The following ZNF407 variants were observed in gnomAD, a reference collection of about 807,000 sequenced individuals.
ZNF407 encodes the protein zinc finger protein 407.
ZNF407 carries 17 observed loss-of-function variants against 131.2 expected under a neutral mutation model. That is an observed-to-expected ratio of 0.13 (90% CI 0.09 to 0.19). The LOEUF (loss-of-function observed/expected upper bound fraction) is 0.19, where lower values mean the gene tolerates loss of function less well. Ranked by LOEUF, ZNF407 falls within the 10% of genes least tolerant of loss-of-function variation. The pLI is 1.00. For missense variants in ZNF407, 2,681 were observed against 2,830.6 expected (o/e 0.95, Z 1.20); for synonymous variants, 1,156 against 1,062.0 (o/e 1.09, Z -1.72).
chr18:74,964,411 A>G (rs1223556368), intron 8 of ZNF407, among the ~76,000 whole-genome samples: 3 of 152,180 alleles, frequency 2.0e-5, no homozygotes, highest in African/African-American at 7.2e-5. Flanking sequence ...CACTAAGCAA[A>G]TGAATGAAGA....
intron 8 of ZNF407, among the ~76,000 whole-genome samples, chr18:75,056,960 C>T (rs992194336): frequency 6.6e-6 from 1 of 152,056 alleles, no homozygotes; most frequent in Non-Finnish European, 1.5e-5. Context: ...TCTTAACATT[C>T]TTGTTAAAAT....
At chr18:74,777,723 C>T (rs543792065) in intron 3 of ZNF407, among the ~76,000 whole-genome samples, 1 of 120,750 alleles carries the variant, frequency 8.3e-6, no homozygotes, top group Non-Finnish European at 1.8e-5. Flanking sequence ...GACTGTTGAT[C>T]GATCGCACTC....
chr18:74,686,718 T>A (rs1257174174), intron 3 of ZNF407, among the ~76,000 whole-genome samples: 1 of 152,258 alleles, frequency 6.6e-6, no homozygotes, highest in Non-Finnish European at 1.5e-5. Context: ...GTAGTCATTA[T>A]TTTGTTATAG....
intron 1 of ZNF407, among the ~76,000 whole-genome samples, chr18:74,630,504 A>G (rs1050147106): frequency 6.6e-6 from 1 of 152,138 alleles, no homozygotes; most frequent in South Asian, 2.1e-4. Context: ...TTTCTTTTAC[A>G]TAGGACTTGG....
chr18:74,610,493 A>G (rs1468538654), intron 1 of ZNF407, among the ~76,000 whole-genome samples: 1 of 151,652 alleles, frequency 6.6e-6, no homozygotes, highest in Non-Finnish European at 1.5e-5. Flanking sequence ...GTTTTCCTGT[A>G]CTTTCCCAAT....
At chr18:74,730,025 G>A (rs995288922) in intron 3 of ZNF407, among the ~76,000 whole-genome samples, 1 of 152,176 alleles carries the variant, frequency 6.6e-6, no homozygotes, top group Non-Finnish European at 1.5e-5. Context: ...CACGTTTGTT[G>A]TGTAATGACT....
At chr18:74,845,286 G>A (rs930572695) in intron 4 of ZNF407, among the ~76,000 whole-genome samples, 5 of 152,162 alleles carry the variant, frequency 3.3e-5, no homozygotes, top group African/African-American at 4.8e-5. Flanking sequence ...ATCAACCAGC[G>A]GTGTTTGGTG....
chr18:74,639,147 G>A (rs1466536680), intron 2 of ZNF407, among the ~76,000 whole-genome samples: 1 of 152,150 alleles, frequency 6.6e-6, no homozygotes, highest in Admixed American at 6.5e-5. Context: ...AAGGAGCCAT[G>A]GACAGTAAAT....
intron 3 of ZNF407, among the ~76,000 whole-genome samples, chr18:74,772,093 C>T (rs1029661903): frequency 6.6e-6 from 1 of 152,154 alleles, no homozygotes; most frequent in African/African-American, 2.4e-5. Flanking sequence ...TCTACTTTTG[C>T]ATTTTCAGCT....
At chr18:74,958,314 T>G (rs554283784) in intron 8 of ZNF407, among the ~76,000 whole-genome samples, 1 of 152,230 alleles carries the variant, frequency 6.6e-6, no homozygotes, top group East Asian at 1.9e-4. Context: ...AATTAGAAGG[T>G]TGTTTAAGAT....
Position 74,816,248 on chromosome 18 carries a change from CT to C in ZNF407, c.4877+34748del, listed in dbSNP as rs1329815458. Among the ~76,000 whole-genome samples, 43 of 152,244 alleles carry C rather than the reference CT, an allele frequency of 2.8e-4. 1 individual carries two copies. The highest frequency in any genetic ancestry group is 9.6e-4 in the African/African-American group (40 of 41,568). ...TGAGGTGAAAAATTAGATATTTCACCTTCTGATTCAACCCCTCTGGTTCATT... is the reference window on the plus strand; with the variant it reads ...TGAGGTGAAAAATTAGATATTTCACCTCTGATTCAACCCCTCTGGTTCATT... On this transcript the variant is annotated intron_variant, in intron 4 of 8. Transcript: ENST00000299687.
intron 4 of ZNF407, among the ~76,000 whole-genome samples, chr18:74,863,479 T>C (rs1044720192): frequency 2.0e-5 from 3 of 152,032 alleles, no homozygotes; most frequent in Non-Finnish European, 4.4e-5. Context: ...TTCTTAGCTC[T>C]TTTGTTTTTG....
At chr18:74,845,226 A>T (rs1243650508) in intron 4 of ZNF407, among the ~76,000 whole-genome samples, 1 of 152,238 alleles carries the variant, frequency 6.6e-6, no homozygotes, top group Non-Finnish European at 1.5e-5. Flanking sequence ...TATGTTGGTG[A>T]TGCTAAAGTT....
At chr18:74,944,142 C>T (rs941687791) in intron 8 of ZNF407, among the ~76,000 whole-genome samples, 1 of 152,202 alleles carries the variant, frequency 6.6e-6, no homozygotes, top group Non-Finnish European at 1.5e-5. Flanking sequence ...TTGATATTTA[C>T]ATCCCACCAA....
chr18:74,622,585 C>G (rs1983562691), intron 1 of ZNF407, among the ~76,000 whole-genome samples: 1 of 152,200 alleles, frequency 6.6e-6, no homozygotes, highest in African/African-American at 2.4e-5. Flanking sequence ...TGCCTTGTCA[C>G]ACGTACCCCT....
intron 4 of ZNF407, among the ~76,000 whole-genome samples, chr18:74,846,298 A>G (rs1212400342): frequency 6.6e-6 from 1 of 152,156 alleles, no homozygotes; most frequent in Non-Finnish European, 1.5e-5. Flanking sequence ...AAAGCATTGT[A>G]TTAATAAACC....
chr18:74,884,691 A>G (rs564412902), intron 6 of ZNF407, among the ~76,000 whole-genome samples: 99 of 152,330 alleles, frequency 6.5e-4, no homozygotes, highest in Admixed American at 1.2e-3. Flanking sequence ...TATATATGAC[A>G]TTATTCCTTA....
chr18:74,826,827 C>G (rs1250795226), intron 4 of ZNF407, among the ~76,000 whole-genome samples: 1 of 152,184 alleles, frequency 6.6e-6, no homozygotes, highest in Non-Finnish European at 1.5e-5. Flanking sequence ...AGAGCAATTC[C>G]CCGTCTCTGT....
intron 8 of ZNF407, among the ~76,000 whole-genome samples, chr18:74,968,172 C>T (rs552886713): frequency 5.3e-4 from 81 of 152,206 alleles, no homozygotes; most frequent in African/African-American, 1.8e-3. Flanking sequence ...GTATAGTTTC[C>T]GTAGTGATTG....
Sources: allele counts gnomAD v4.1 joint callset (sites outside exome capture counted in the v4.1 genomes callset), GRCh38; gene constraint gnomAD v4.1.1; transcripts MANE v1.5; gene names NCBI Gene and HGNC (gene_info 2026-07-23, HGNC 2026-07-21).